AOPEP: variants seen among roughly 807,000 people sequenced by gnomAD.
AOPEP encodes the protein aminopeptidase O.
Under a neutral mutation model 98.1 loss-of-function variants are expected in AOPEP, and 77 were observed. That is an observed-to-expected ratio of 0.78 (90% CI 0.65 to 0.95). The LOEUF (loss-of-function observed/expected upper bound fraction) is 0.95, where lower values mean the gene tolerates loss of function less well. Among genes scored for constraint, AOPEP ranks in the 40% least tolerant of loss-of-function variants. The pLI is 0.00. For missense variants in AOPEP, 1,024 were observed against 1,024.7 expected, an observed-to-expected ratio of 1.00 and a Z score of 0.01; for synonymous variants, 346 against 365.3, an observed-to-expected ratio of 0.95 and a Z score of 0.60.
intron 16 of AOPEP, among the ~76,000 whole-genome samples, chr9:95,083,486 GCA>G (rs1022672061): frequency 6.8e-6 from 1 of 146,900 alleles, no homozygotes; most frequent in Non-Finnish European, 1.5e-5. Flanking sequence ...GGCACACGCA[GCA>G]CACACACCAC....
At chr9:94,848,948 C>G (rs1046175520) in intron 5 of AOPEP, among the ~76,000 whole-genome samples, 35 of 152,176 alleles carry the variant, frequency 2.3e-4, no homozygotes, top group African/African-American at 8.4e-4. Flanking sequence ...AGCTAATTTT[C>G]TTGGTATTTT....
chr9:94,872,174 G>A (rs532242732), intron 5 of AOPEP, among the ~76,000 whole-genome samples: 17 of 152,278 alleles, frequency 1.1e-4, no homozygotes, highest in Admixed American at 1.0e-3. Flanking sequence ...ATATGAATAA[G>A]TGATCCTACA....
intron 13 of AOPEP, among the ~76,000 whole-genome samples, chr9:95,007,974 G>A (rs1351863419): frequency 6.6e-6 from 1 of 152,192 alleles, no homozygotes; most frequent in Non-Finnish European, 1.5e-5. Context: ...CGTTTGCCAT[G>A]TCACAAGTAG....
At chr9:94,761,387 A>C (rs1323709522) in intron 2 of AOPEP, among the ~76,000 whole-genome samples, 1 of 152,236 alleles carries the variant, frequency 6.6e-6, no homozygotes, top group Non-Finnish European at 1.5e-5. Context: ...TTTTAAAATC[A>C]AACTTTATTG....
chr9:94,874,520 T>C (rs1157602319), intron 5 of AOPEP, among the ~76,000 whole-genome samples: 2 of 152,234 alleles, frequency 1.3e-5, no homozygotes, highest in Non-Finnish European at 2.9e-5. Context: ...GCAGTAATTC[T>C]GCTTCCATTT....
chr9:95,095,705 G>A, the AOPEP span, among the ~76,000 whole-genome samples: 2,542 of 152,248 alleles, frequency 0.017, 82 homozygotes, highest in African/African-American at 0.058. Context: ...TGGCCTGAAA[G>A]GAGGCATGGA....
chr9:94,834,585 T>C (rs1276973896), intron 5 of AOPEP, among the ~76,000 whole-genome samples: 1 of 152,086 alleles, frequency 6.6e-6, no homozygotes, highest in Non-Finnish European at 1.5e-5. Flanking sequence ...TTGAGGCCAG[T>C]AGTTCCAGAT....
At chr9:95,146,107 G>A in the AOPEP span, among the ~76,000 whole-genome samples, 2 of 152,102 alleles carry the variant, frequency 1.3e-5, no homozygotes, top group Admixed American at 6.6e-5. Context: ...TAATGGTATT[G>A]TAGTTTTGTT....
In AOPEP at chr9:94,801,001, A is replaced by G. The variant is rs766227590; in HGVS notation, c.1363A>G (p.Ser455Gly). Reference protein sequence around the residue: ...PANFPSLGMASPHIMFLSQSI... With the variant: ...PANFPSLGMAGPHIMFLSQSI... ...CAACTTTCCAAGTCTGGGGATGGCC[A>G]GGTATGTTGTTCCATTGTGGCACTT... Residue 455 changes from serine to glycine, a missense_variant and splice_region_variant, in exon 5 of 17, where the codon AGC becomes GGC. Physicochemically the swap from Ser to Gly is moderately conservative, Grantham distance 56. Coordinates refer to ENST00000375315, the MANE Select transcript of AOPEP (RefSeq NM_001193329.3). 7.6e-5 allele frequency: 122 copies of G among 1,613,866 alleles called. No homozygotes were observed. Among genetic ancestry groups the G allele is most frequent in the Non-Finnish European group, 9.6e-5 (113 of 1,179,838 alleles).
At chr9:95,078,001 CTCT>C (rs1380167474) in intron 14 of AOPEP, among the ~76,000 whole-genome samples, 6 of 152,074 alleles carry the variant, frequency 3.9e-5, no homozygotes, top group Non-Finnish European at 7.4e-5. Flanking sequence ...ATACACTTAG[CTCT>C]TTATAATGAA....
intron 5 of AOPEP, among the ~76,000 whole-genome samples, chr9:94,871,614 T>G (rs2046355354): frequency 6.6e-6 from 1 of 152,244 alleles, no homozygotes; most frequent in African/African-American, 2.4e-5. Context: ...ATCAACTTGA[T>G]TGTTACAGAC....
intron 3 of AOPEP, among the ~76,000 whole-genome samples, chr9:94,778,627 A>G (rs1258655882): frequency 6.6e-6 from 1 of 152,194 alleles, no homozygotes; most frequent in Admixed American, 6.5e-5. Context: ...GGAAGAAATG[A>G]GTGCAAGGGT....
At chr9:95,017,345 C>T (rs966565307) in intron 13 of AOPEP, among the ~76,000 whole-genome samples, 1 of 152,150 alleles carries the variant, frequency 6.6e-6, no homozygotes, top group African/African-American at 2.4e-5. Context: ...CCTATTGCTC[C>T]TACACTTCAA....
chr9:94,912,436 A>G (rs1452767083), intron 5 of AOPEP, among the ~76,000 whole-genome samples: 2 of 152,056 alleles, frequency 1.3e-5, no homozygotes, highest in South Asian at 2.1e-4. Flanking sequence ...GGAATGTGAT[A>G]TGTTACTAAC....
At chr9:94,853,830 A>T (rs999990507) in intron 5 of AOPEP, among the ~76,000 whole-genome samples, 4 of 152,240 alleles carry the variant, frequency 2.6e-5, no homozygotes, top group African/African-American at 4.8e-5. Context: ...ATTCTTCATC[A>T]GACAGATATT....
intron 14 of AOPEP, among the ~76,000 whole-genome samples, chr9:95,076,540 T>C (rs1160125133): frequency 6.6e-6 from 1 of 152,220 alleles, no homozygotes; most frequent in Non-Finnish European, 1.5e-5. Flanking sequence ...CCTGCACTCA[T>C]GGGAATCGTA....
chr9:95,093,662 C>T, the AOPEP span, among the ~76,000 whole-genome samples: 4 of 152,316 alleles, frequency 2.6e-5, no homozygotes, highest in South Asian at 2.1e-4. Context: ...AGTTGATTAC[C>T]GTCTCCACCC....
At chr9:95,067,752 A>G (rs1341634717) in intron 14 of AOPEP, among the ~76,000 whole-genome samples, 1 of 152,188 alleles carries the variant, frequency 6.6e-6, no homozygotes, top group Non-Finnish European at 1.5e-5. Flanking sequence ...GTAGTTTTTA[A>G]TATATTCACA....
chr9:94,729,576 T>TTA (rs565912622), intron 1 of AOPEP, among the ~76,000 whole-genome samples: 1 of 140,706 alleles, frequency 7.1e-6, no homozygotes, highest in Admixed American at 7.1e-5. Flanking sequence ...ACACTGTCTT[T>TTA]AAAAAAAAAA....
Sources: allele counts gnomAD v4.1 joint callset (sites outside exome capture counted in the v4.1 genomes callset), GRCh38; gene constraint gnomAD v4.1.1; transcripts MANE v1.5; gene names NCBI Gene and HGNC (gene_info 2026-07-23, HGNC 2026-07-21).